AMBRA1: variants seen among roughly 807,000 people sequenced by gnomAD.
AMBRA1 encodes the protein autophagy and beclin 1 regulator 1.
Under a neutral mutation model 125.4 loss-of-function variants are expected in AMBRA1, and 47 were observed. The observed-to-expected ratio is 0.37, with a 90% CI of 0.30 to 0.48. AMBRA1 has a LOEUF of 0.48. Ranked by LOEUF, AMBRA1 falls within the 20% of genes least tolerant of loss-of-function variation. The probability of loss-of-function intolerance (pLI) is 0.99; values close to 1 mark genes in which losing one functional copy is unlikely to be tolerated. For missense variants in AMBRA1, 1,331 were observed against 1,693.4 expected, an observed-to-expected ratio of 0.79 and a Z score of 3.76; for synonymous variants, 626 against 655.5, an observed-to-expected ratio of 0.95 and a Z score of 0.69.
intron 11 of AMBRA1, 97 bp from the exon 12 acceptor site, chr11:46,443,695 A>G: frequency 9.3e-7 from 1 of 1,071,346 alleles, no homozygotes; most frequent in Non-Finnish European, 1.4e-6. Context: ...TGGGGAGAGA[A>G]GAGGAAAAAC....
intron 7 of AMBRA1, among the ~76,000 whole-genome samples, chr11:46,528,061 T>C (rs931592286): frequency 2.6e-4 from 40 of 152,258 alleles, no homozygotes; most frequent in African/African-American, 9.6e-4. Flanking sequence ...AGCCTAAATG[T>C]CCATCAGTAG....
rs1309723897 is a variant in AMBRA1 at position 46,547,867 on chromosome 11, T to C, written c.144A>G (p.Glu48=). 1 of 1,605,030 alleles carries C rather than the reference T, an allele frequency of 6.2e-7. No individual in the cohort carries two copies. The highest frequency in any genetic ancestry group is 1.1e-5 in the South Asian group (1 of 89,740). The change falls in exon 3 of 18, where the codon GAA becomes GAG. Residue 48 remains glutamate, a synonymous_variant. Coordinates refer to ENST00000683756, the MANE Select transcript of AMBRA1 (RefSeq NM_001387011.1). ...AGGTAGAGCGTGGACTATCCGGCAG[T>C]TCTACTCTCTGGGAGACAAAAAAAA... ...RWMKWEGKRV[E]LPDSPRSTFL...
chr11:46,549,454 A>G (rs2042923402), intron 1 of AMBRA1, among the ~76,000 whole-genome samples: 1 of 152,176 alleles, frequency 6.6e-6, no homozygotes, highest in East Asian at 1.9e-4. Flanking sequence ...CCATGGATAG[A>G]GATATGGTTA....
At chr11:46,522,255 G>A (rs138485807) in intron 7 of AMBRA1, among the ~76,000 whole-genome samples, 1 of 152,284 alleles carries the variant, frequency 6.6e-6, no homozygotes, top group African/African-American at 2.4e-5. Flanking sequence ...TTTGTAAGAT[G>A]ACTGGTTGGC....
chr11:46,500,256 T>G (rs1204548741), intron 9 of AMBRA1, among the ~76,000 whole-genome samples: 1 of 152,072 alleles, frequency 6.6e-6, no homozygotes, highest in African/African-American at 2.4e-5. Flanking sequence ...CAAAACTGGA[T>G]CCAGTAAGAG....
chr11:46,502,573 A>C lies in AMBRA1; in HGVS notation c.2339+5618T>G, dbSNP rs144977269. ...ACTGATTCCTACAGAAGTCCTAGAA[A>C]TTCCCGGCTCAGAAGAGAGCAGGAA... On this transcript the variant is annotated intron_variant, in intron 9 of 17. Transcript: ENST00000683756. 8.4e-3 allele frequency among the ~76,000 whole-genome samples: 1,279 copies of C among 152,290 alleles called. 9 individuals are homozygous for C. Among genetic ancestry groups the C allele is most frequent in the African/African-American group, 0.03 (1,234 of 41,548 alleles).
At chr11:46,590,296 C>T (rs1346365817) in intron 1 of AMBRA1, among the ~76,000 whole-genome samples, 3 of 151,606 alleles carry the variant, frequency 2.0e-5, no homozygotes, top group South Asian at 2.1e-4. Flanking sequence ...GCCAAGATTG[C>T]GCCACTGCCT....
intron 15 of AMBRA1, among the ~76,000 whole-genome samples, chr11:46,411,635 A>C (rs1946302981): frequency 6.6e-6 from 1 of 152,016 alleles, no homozygotes; most frequent in Non-Finnish European, 1.5e-5. Context: ...CGCCCGGCTA[A>C]TTTTTGTATT....
chr11:46,587,627 T>C (rs898111886), intron 1 of AMBRA1, among the ~76,000 whole-genome samples: 1 of 152,190 alleles, frequency 6.6e-6, no homozygotes, highest in African/African-American at 2.4e-5. Context: ...AAGACTCTAA[T>C]CCCTGTAAAT....
chr11:46,473,489 T>C, intron 11 of AMBRA1, among the ~76,000 whole-genome samples: 1 of 152,214 alleles, frequency 6.6e-6, no homozygotes, highest in Non-Finnish European at 1.5e-5. Context: ...AGCCCTAACA[T>C]AAAACAAAGT....
In AMBRA1 at chr11:46,548,321, A is replaced by G. The variant is rs764137075; in HGVS notation, c.60T>C (p.Ala20=). 1 of 1,614,050 alleles carries G rather than the reference A, an allele frequency of 6.2e-7. No homozygotes were observed. Among genetic ancestry groups the G allele is most frequent in the South Asian group, 1.1e-5 (1 of 91,074 alleles). ...VRILWGRERG[A]RAMGAQRLLQ... ...GAAGCCGCTGAGCTCCCATGGCCCGAGCACCCCGTTCTCGCCCCCAGAGTA... is the reference window on the plus strand; with the variant it reads ...GAAGCCGCTGAGCTCCCATGGCCCGGGCACCCCGTTCTCGCCCCCAGAGTA... The change falls in exon 2 of 18, where the codon GCT becomes GCC. Residue 20 remains alanine (A), a synonymous_variant. Coordinates refer to ENST00000683756, the MANE Select transcript of AMBRA1 (RefSeq NM_001387011.1).
In AMBRA1 at chr11:46,534,659, C is replaced by T. The variant is rs1345250759; in HGVS notation, c.2072+7286G>A. Among the ~76,000 whole-genome samples the T allele has an allele frequency of 2.6e-5, 4 of 152,114 alleles. No individual in the cohort carries two copies. In the East Asian group the frequency reaches 7.7e-4, roughly 29 times the overall value. On this transcript the variant is annotated intron_variant, in intron 7 of 17. Coordinates refer to ENST00000683756, the MANE Select transcript of AMBRA1 (RefSeq NM_001387011.1). ...ACTCATCCAGGAAGCAGTCCTTGTG[C>T]ATACTCCTCAGTTCCCTCTTCCTTT... is the stretch of plus-strand genomic sequence containing the variant.
chr11:46,406,372 T>TAAAAAA (rs529275776), intron 17 of AMBRA1, among the ~76,000 whole-genome samples: 1 of 81,570 alleles, frequency 1.2e-5, no homozygotes, highest in African/African-American at 4.7e-5. Flanking sequence ...ATCTTTAAAT[T>TAAAAAA]AAAAAAAAAA....
At chr11:46,428,802 G>A (rs1590783318) in intron 14 of AMBRA1, 1 of 1,611,252 alleles carries the variant, frequency 6.2e-7, no homozygotes, top group Non-Finnish European at 8.5e-7. Context: ...CCTCTTGTGA[G>A]TCTCGCAGGT....
At chr11:46,584,970 G>T (rs2044314036) in intron 1 of AMBRA1, among the ~76,000 whole-genome samples, 2 of 152,118 alleles carry the variant, frequency 1.3e-5, no homozygotes, top group South Asian at 2.1e-4. Context: ...TACTCAGGAG[G>T]CTGAGGCAGG....
At chr11:46,408,262 T>C (rs774219126) in intron 17 of AMBRA1, among the ~76,000 whole-genome samples, 38 of 152,124 alleles carry the variant, frequency 2.5e-4, no homozygotes, top group Non-Finnish European at 4.6e-4. Flanking sequence ...CTTTCTGTGC[T>C]CTCTCTTTGG....
intron 11 of AMBRA1, 72 bp from the exon 12 acceptor site, chr11:46,443,670 T>C (rs1948126409): frequency 7.7e-7 from 1 of 1,292,660 alleles, no homozygotes; most frequent in Non-Finnish European, 1.1e-6. Context: ...CATAAAACAA[T>C]ACTGGGATTA....
intron 9 of AMBRA1, among the ~76,000 whole-genome samples, chr11:46,507,957 G>GT (rs1413146216): frequency 7.2e-5 from 11 of 152,248 alleles, no homozygotes; most frequent in African/African-American, 2.7e-4. Context: ...CTGGCCTGGG[G>GT]CCCAATGGGA....
chr11:46,482,594 T>C (rs1950113602), intron 11 of AMBRA1, among the ~76,000 whole-genome samples: 1 of 152,146 alleles, frequency 6.6e-6, no homozygotes. Context: ...TTGTTCCCAA[T>C]GGGGACTTCT....
Sources: gnomAD v4.1 joint callset for allele counts (sites outside exome capture counted in the v4.1 genomes callset) on GRCh38, gnomAD v4.1.1 for gene constraint, MANE v1.5 for transcripts, NCBI Gene and HGNC (gene_info 2026-07-23, HGNC 2026-07-21) for gene names.